Variants in TMEM245 observed in about 807,000 individuals in gnomAD.
TMEM245 encodes protein CG-2.
TMEM245 carries 69 observed loss-of-function variants against 101.2 expected under a neutral mutation model. The ratio of observed to expected loss-of-function variants is 0.68; its 90% CI spans 0.56 to 0.83. The LOEUF is 0.83. Ranked by LOEUF, TMEM245 falls within the 40% of genes least tolerant of loss-of-function variation. The pLI is 0.00. For synonymous variants in TMEM245, 537 were observed against 449.8 expected (o/e 1.19, Z -2.45); for missense variants, 1,075 against 1,092.8 (o/e 0.98, Z 0.23).
chr9:109,049,816 A>G (rs1828617740), intron 14 of TMEM245, among the ~76,000 whole-genome samples: 1 of 152,086 alleles, frequency 6.6e-6, no homozygotes, highest in African/African-American at 2.4e-5. Context: ...AAACAAAGAA[A>G]CAGGATCTTG....
intron 16 of TMEM245, 125 bp from the exon 17 acceptor site, chr9:109,033,626 C>A (rs1828032536): frequency 1.2e-6 from 1 of 824,848 alleles, no homozygotes; most frequent in East Asian, 2.8e-5. Context: ...CTTTAGATCA[C>A]CTCGATGCAT....
chr9:109,034,704 T>A (rs899210459), intron 16 of TMEM245, among the ~76,000 whole-genome samples: 1 of 152,118 alleles, frequency 6.6e-6, no homozygotes, highest in East Asian at 1.9e-4. Flanking sequence ...CCTCGGCCTC[T>A]CAAAGTGGTA....
At chr9:109,101,808 T>C (rs1257257712) in intron 3 of TMEM245, among the ~76,000 whole-genome samples, 1 of 152,234 alleles carries the variant, frequency 6.6e-6, no homozygotes, top group East Asian at 1.9e-4. Flanking sequence ...CTAGTATTCA[T>C]AATCGACCAT....
At position 109,019,071 on chromosome 9, in the gene TMEM245, A is replaced by G. The variant is rs1827542041; in HGVS notation, c.*1389T>C. 1 of 152,114 alleles carries G rather than the reference A, an allele frequency of 6.6e-6. No homozygotes were observed. Among genetic ancestry groups the G allele is most frequent in the African/African-American group, 2.4e-5 (1 of 41,340 alleles). The allele number at this position is 152,114 out of a possible 1,614,324, so 9.4% of individuals were successfully genotyped here. A position where few individuals can be genotyped will look rare whatever the true frequency, so the allele number is the denominator to read the frequency against. ...GGCCAAGAACCCTTTTCTCTCCCAC[A>G]TTCCCCTGGGAGCAGAGGATAGGCC... On this transcript the variant is annotated 3_prime_UTR_variant, in exon 18 of 18. Coordinates refer to ENST00000374586, the MANE Select transcript of TMEM245 (RefSeq NM_032012.4).
chr9:109,119,712 C>T lies in TMEM245; in HGVS notation c.202G>A (p.Gly68Ser), dbSNP rs770739910. The change falls in exon 1 of 18, where the codon GGC becomes AGC. Residue 68 changes from glycine to serine, a missense_variant. Gly to Ser is a moderately conservative substitution (Grantham distance 56, BLOSUM62 0). Around this residue, in one of 2 missense-constraint regions of TMEM245, gnomAD observed 808 missense variants for 741.5 expected, o/e 1.09. Coordinates refer to ENST00000374586, the MANE Select transcript of TMEM245 (RefSeq NM_032012.4). ...GAVLFVCLCC[G>S]AAVLVYFILE... The stretch of plus-strand genomic sequence containing the variant: ...ATGAAGTAGACCAGCACCGCGGCGC[C>T]GCAGCACAGGCACACGAACAGCACG... 1.3e-6 allele frequency: 2 copies of T among 1,548,844 alleles called. No homozygotes were observed. The highest frequency in any genetic ancestry group is 1.9e-5 in the Admixed American group (1 of 53,060).
At chr9:109,091,778 C>T (rs1830013553) in intron 4 of TMEM245, among the ~76,000 whole-genome samples, 1 of 152,132 alleles carries the variant, frequency 6.6e-6, no homozygotes, top group African/African-American at 2.4e-5. Flanking sequence ...CACCATGTTA[C>T]ATTTTACTAT....
At chr9:109,030,596 C>T (rs138781412) in intron 17 of TMEM245, among the ~76,000 whole-genome samples, 228 of 152,316 alleles carry the variant, frequency 1.5e-3, no homozygotes, top group Non-Finnish European at 2.3e-3. Context: ...CAAGTGCATT[C>T]TGTTGATTTC....
chr9:109,061,180 G>A (rs1483478116), intron 10 of TMEM245, among the ~76,000 whole-genome samples: 2 of 152,104 alleles, frequency 1.3e-5, no homozygotes, highest in Non-Finnish European at 2.9e-5. Flanking sequence ...ACCAAGTGTG[G>A]TGGCGCATGC....
intron 1 of TMEM245, among the ~76,000 whole-genome samples, chr9:109,118,971 G>A (rs1830809397): frequency 6.6e-6 from 1 of 152,126 alleles, no homozygotes; most frequent in Non-Finnish European, 1.5e-5. Context: ...CAGAACTGAG[G>A]GTGGCCGAAG....
chr9:109,116,168 T>A (rs1183743881), intron 1 of TMEM245, among the ~76,000 whole-genome samples: 2 of 152,240 alleles, frequency 1.3e-5, no homozygotes, highest in African/African-American at 4.8e-5. Context: ...AACTTTTCTC[T>A]CTGCCTCTCT....
intron 3 of TMEM245, among the ~76,000 whole-genome samples, chr9:109,106,125 A>C (rs534743892): frequency 1.3e-5 from 2 of 150,346 alleles, no homozygotes; most frequent in South Asian, 4.2e-4. Context: ...ACTTGGGAGG[A>C]TAAGGTTGGA....
chr9:109,083,961 C>CAGCTACTT (rs1348130673), intron 7 of TMEM245, among the ~76,000 whole-genome samples: 1 of 143,836 alleles, frequency 7.0e-6, no homozygotes, highest in Admixed American at 7.2e-5. Flanking sequence ...CCTGTGGTCC[C>CAGCTACTT]AGCTACTTAG....
intron 1 of TMEM245, among the ~76,000 whole-genome samples, chr9:109,116,729 T>C (rs948061042): frequency 6.6e-6 from 1 of 152,102 alleles, no homozygotes; most frequent in Admixed American, 6.5e-5. Context: ...GGTTTTACCA[T>C]GTTGGCCAGG....
At position 109,116,529 on chromosome 9, in the gene TMEM245, C is replaced by CT. The variant is rs369549941; in HGVS notation, c.579+2805dup. 9.1e-3 allele frequency among the ~76,000 whole-genome samples: 1,339 copies of CT among 146,980 alleles called. 18 individuals carry two copies. Among genetic ancestry groups the CT allele is most frequent in the African/African-American group, 0.032 (1,220 of 38,616 alleles). ...CACTGTGCCTGGCCTTTAATCAGCA[C>CT]TTTTTTTTTTCTTTTTTTTTGAGAC... On this transcript the variant is annotated intron_variant, in intron 1 of 17. Coordinates refer to ENST00000374586, the MANE Select transcript of TMEM245 (RefSeq NM_032012.4).
chr9:109,021,727 C>T (rs1827629758), intron 17 of TMEM245, among the ~76,000 whole-genome samples: 2 of 151,980 alleles, frequency 1.3e-5, no homozygotes, highest in Admixed American at 1.3e-4. Context: ...CACCTGAGCC[C>T]AAGAGGTTGA....
chr9:109,075,151 G>C (rs1224894475), intron 8 of TMEM245, among the ~76,000 whole-genome samples: 1 of 152,206 alleles, frequency 6.6e-6, no homozygotes, highest in East Asian at 1.9e-4. Flanking sequence ...AGAAAGAAGT[G>C]ACTGGATTTG....
chr9:109,060,417 A>G lies in TMEM245; in HGVS notation c.1659T>C (p.Thr553=). 6.2e-7 allele frequency: 1 copy of G among 1,613,768 alleles called. No homozygotes were observed. The highest frequency in any genetic ancestry group is 8.5e-7 in the Non-Finnish European group (1 of 1,179,798). ...HKILGDKVNN[T]AVIEKQVLEL... Reference sequence around the variant, plus strand: ...CTAGTACTTGCTTTTCAATTACAGCAGTATTGTTCACCTTATCTCCTAGAA... The same window carrying G: ...CTAGTACTTGCTTTTCAATTACAGCGGTATTGTTCACCTTATCTCCTAGAA... The change falls in exon 11 of 18, where the codon ACT becomes ACC. Residue 553 remains threonine, a synonymous_variant. Coordinates refer to ENST00000374586, the MANE Select transcript of TMEM245 (RefSeq NM_032012.4).
At chr9:109,047,038 A>G (rs7045668) in intron 14 of TMEM245, among the ~76,000 whole-genome samples, 22,465 of 152,206 alleles carry the variant, frequency 0.15, 1,896 homozygotes, top group African/African-American at 0.19. Flanking sequence ...TAGCCTTAAA[A>G]TTACATAACT....
chr9:109,093,627 A>T (rs1296446481), intron 3 of TMEM245, 36 bp from the exon 4 acceptor site: 2 of 1,545,034 alleles, frequency 1.3e-6, no homozygotes, highest in South Asian at 2.2e-5. Flanking sequence ...AACTCTTTAA[A>T]GTAGGAAATA....
Sources: allele counts gnomAD v4.1 joint callset (sites outside exome capture counted in the v4.1 genomes callset), GRCh38; gene constraint gnomAD v4.1.1; regional missense constraint gnomAD v4.1.1; transcripts MANE v1.5; gene names NCBI Gene and HGNC (gene_info 2026-07-23, HGNC 2026-07-21).